The following CDH23 variants were observed in gnomAD, a reference collection of about 807,000 sequenced individuals.
The protein encoded by CDH23 is cadherin related 23, also known as cadherin-23.
CDH23 carries 189 observed loss-of-function variants against 317.1 expected under a neutral mutation model. The observed-to-expected ratio is 0.60, with a 90% CI of 0.53 to 0.67. CDH23 has a LOEUF of 0.67. Among genes scored for constraint, CDH23 ranks in the 30% least tolerant of loss-of-function variants. The pLI is 0.00. For missense variants in CDH23, 4,401 were observed against 4,592.4 expected (o/e 0.96, Z 1.20); for synonymous variants, 1,839 against 1,876.8 (o/e 0.98, Z 0.52).
chr10:71,519,678 A>G (rs1197533355), intron 6 of CDH23, among the ~76,000 whole-genome samples: 2 of 152,190 alleles, frequency 1.3e-5, no homozygotes, highest in Admixed American at 1.3e-4. Context: ...TAAAATAGGG[A>G]TACACTGAGT....
Position 71,702,213 on chromosome 10 carries a change from T to C in CDH23, c.2587+2T>C. ...AAATCGTCGTCTCTGTTACTGACTGTATGGACCCCTCTCGCCCCTCACGGC... is the reference window on the plus strand; with the variant it reads ...AAATCGTCGTCTCTGTTACTGACTGCATGGACCCCTCTCGCCCCTCACGGC... On this transcript the variant is annotated splice_donor_variant, in intron 23 of 69. Transcript: ENST00000224721. LOFTEE classifies it high-confidence loss of function. 6.2e-7 allele frequency: 1 copy of C among 1,612,666 alleles called. No homozygotes were observed. The highest frequency in any genetic ancestry group is 8.5e-7 in the Non-Finnish European group (1 of 1,179,076).
intron 16 of CDH23, among the ~76,000 whole-genome samples, chr10:71,678,441 C>T (rs982244325): frequency 2.6e-5 from 4 of 152,194 alleles, no homozygotes; most frequent in Non-Finnish European, 4.4e-5. Context: ...GACCTTTAAC[C>T]AGAGACTTTT....
intron 6 of CDH23, among the ~76,000 whole-genome samples, chr10:71,561,974 C>A (rs928110365): frequency 1.3e-5 from 2 of 152,114 alleles, no homozygotes; most frequent in Non-Finnish European, 2.9e-5. Context: ...CTGCTCCTTT[C>A]CAGCAAGAAG....
chr10:71,762,024 G>A (rs774042928), intron 38 of CDH23: 39 of 1,594,376 alleles, frequency 2.4e-5, no homozygotes, highest in South Asian at 1.2e-4. Flanking sequence ...GCTGCCACCG[G>A]ACCTGCTCAG....
chr10:71,579,041 C>G (rs1858441329), intron 9 of CDH23, among the ~76,000 whole-genome samples: 1 of 152,170 alleles, frequency 6.6e-6, no homozygotes, highest in African/African-American at 2.4e-5. Context: ...AAAATTGGAG[C>G]AACAAGAGTA....
chr10:71,680,810 C>CTTTTTTTTTTTTTTTTTTTTTTTT (rs562449159), intron 17 of CDH23, among the ~76,000 whole-genome samples: 1 of 100,562 alleles, frequency 9.9e-6, no homozygotes, highest in Non-Finnish European at 1.8e-5. Flanking sequence ...CTCTGTCTTT[C>CTTTTTTTTTTTTTTTTTTTTTTTT]TTTTTTTTTT....
chr10:71,732,291 C>T lies in CDH23; in HGVS notation c.4020C>T (p.Ile1340=), dbSNP rs754263998. Residue 1340 remains isoleucine, a synonymous_variant, in exon 32 of 70, where the codon ATC becomes ATT. Coordinates refer to ENST00000224721, the MANE Select transcript of CDH23 (RefSeq NM_022124.6). ...TTGTGCGGGTCCAGGCCTACTCCATCGACAACCTCAACCAAATCACGTACC... is the reference window on the plus strand; with the variant it reads ...TTGTGCGGGTCCAGGCCTACTCCATTGACAACCTCAACCAAATCACGTACC... ...TEIVRVQAYS[I]DNLNQITYRF... is the part of the protein sequence containing the mutation. 6.8e-6 allele frequency: 11 copies of T among 1,612,716 alleles called. No homozygotes were observed. In the South Asian group the frequency reaches 7.7e-5, roughly 11 times the overall value.
At chr10:71,478,987 GT>G (rs1404031339) in intron 3 of CDH23, among the ~76,000 whole-genome samples, 1 of 152,168 alleles carries the variant, frequency 6.6e-6, no homozygotes, top group Non-Finnish European at 1.5e-5. Flanking sequence ...ATGCATTTGG[GT>G]TGAGAGAGGA....
chr10:71,810,654 G>A, intron 62 of CDH23, 85 bp downstream of exon 62: 1 of 1,247,768 alleles, frequency 8.0e-7, no homozygotes, highest in Non-Finnish European at 1.2e-6. Context: ...CACACCAAAG[G>A]AGACACAGAC....
chr10:71,478,342 G>A (rs1446661013), intron 3 of CDH23, among the ~76,000 whole-genome samples: 1 of 152,122 alleles, frequency 6.6e-6, no homozygotes, highest in African/African-American at 2.4e-5. Context: ...GATGCATCAT[G>A]CAACCTTACA....
intron 3 of CDH23, among the ~76,000 whole-genome samples, chr10:71,460,603 G>A (rs973497854): frequency 6.6e-6 from 1 of 152,202 alleles, no homozygotes; most frequent in Non-Finnish European, 1.5e-5. Flanking sequence ...CAGGCCTGAC[G>A]GGCCAGGAGC....
chr10:71,444,414 C>T (rs1484172380), intron 2 of CDH23, among the ~76,000 whole-genome samples: 1 of 152,200 alleles, frequency 6.6e-6, no homozygotes. Context: ...CTGTCTGAGG[C>T]TGTTGTGCTC....
In CDH23 at chr10:71,705,062, A is replaced by C. The variant is rs1347811319; in HGVS notation, c.2885A>C (p.Gln962Pro). ...GACCGCGAGCGCATCGCGGAGTACC[A>C]GCTGCGGGTGGTGGCCAGTGATGCA... is the stretch of plus-strand genomic sequence containing the variant. ...ELDRERIAEYQLRVVASDAGT... is the reference protein window; with the variant it reads ...ELDRERIAEYPLRVVASDAGT... The change falls in exon 25 of 70, where the codon CAG (glutamine) becomes CCG (proline). Residue 962 changes from glutamine (Q) to proline (P), a missense_variant. By Grantham distance (76) the Gln-to-Pro change is moderately conservative. This residue lies in a region of CDH23 where 3,068 missense variants were observed against 3,203.3 expected (regional missense o/e 0.96). Transcript: ENST00000224721. 1.9e-6 allele frequency: 3 copies of C among 1,612,482 alleles called. No individual in the cohort carries two copies. The highest frequency in any genetic ancestry group is 2.5e-6 in the Non-Finnish European group (3 of 1,179,776).
chr10:71,679,331 T>G, intron 16 of CDH23, 56 bp from the exon 17 acceptor site: 29 of 946,354 alleles, frequency 3.1e-5, no homozygotes, highest in Non-Finnish European at 3.6e-5. Flanking sequence ...GCCCACCCTC[T>G]TCTGGCCCCC....
chr10:71,405,832 T>A (rs1848070912), intron 1 of CDH23, among the ~76,000 whole-genome samples: 3 of 152,094 alleles, frequency 2.0e-5, no homozygotes, highest in Admixed American at 2.0e-4. Context: ...AGATCTCACA[T>A]CTACTGTTGG....
chr10:71,619,737 G>A (rs1364826125), intron 11 of CDH23, among the ~76,000 whole-genome samples: 1 of 152,178 alleles, frequency 6.6e-6, no homozygotes, highest in African/African-American at 2.4e-5. Context: ...GCAGTGGGGA[G>A]GTAGGCCGGG....
intron 6 of CDH23, among the ~76,000 whole-genome samples, chr10:71,528,012 G>T (rs1372759578): frequency 6.6e-6 from 1 of 152,096 alleles, no homozygotes; most frequent in Non-Finnish European, 1.5e-5. Flanking sequence ...CATCTGTGCA[G>T]TGGGGTTAGT....
chr10:71,424,137 G>A (rs116608191), intron 1 of CDH23, among the ~76,000 whole-genome samples: 2,583 of 152,344 alleles, frequency 0.017, 77 homozygotes, highest in African/African-American at 0.058. Flanking sequence ...ACTATATCCC[G>A]CCACGTAGGT....
chr10:71,709,340 C>A, intron 27 of CDH23, 129 bp downstream of exon 27: 1 of 735,882 alleles, frequency 1.4e-6, no homozygotes, highest in Non-Finnish European at 2.2e-6. Context: ...GGCCACCAGG[C>A]ACTCACCAAA....
Sources: allele counts gnomAD v4.1 joint callset (sites outside exome capture counted in the v4.1 genomes callset), GRCh38; gene constraint gnomAD v4.1.1; regional missense constraint gnomAD v4.1.1; transcripts MANE v1.5; gene names NCBI Gene and HGNC (gene_info 2026-07-23, HGNC 2026-07-21).